The following CDH12 variants were observed in gnomAD, a reference collection of about 807,000 sequenced individuals.
The protein encoded by CDH12 is cadherin 12, also known as cadherin-12.
Under a neutral mutation model 74.1 loss-of-function variants are expected in CDH12, and 41 were observed. The ratio of observed to expected loss-of-function variants is 0.55; its 90% CI spans 0.43 to 0.72. CDH12 has a LOEUF of 0.72. Among genes scored for constraint, CDH12 ranks in the 30% least tolerant of loss-of-function variants. The pLI, the probability that CDH12 is intolerant of heterozygous loss-of-function variation, is 0.00. For missense variants in CDH12, 945 were observed against 977.2 expected, an observed-to-expected ratio of 0.97 and a Z score of 0.44; for synonymous variants, 399 against 355.0, an observed-to-expected ratio of 1.12 and a Z score of -1.39.
intron 3 of CDH12, among the ~76,000 whole-genome samples, chr5:22,296,077 C>T (rs550811202): frequency 6.6e-6 from 1 of 151,474 alleles, no homozygotes; most frequent in African/African-American, 2.4e-5. Context: ...CTTTATGATA[C>T]CTATAGGAGA....
chr5:22,316,793 A>C (rs1409220640), intron 3 of CDH12, among the ~76,000 whole-genome samples: 1 of 152,130 alleles, frequency 6.6e-6, no homozygotes, highest in African/African-American at 2.4e-5. Flanking sequence ...TAATACTATA[A>C]TGATATATAT....
At chr5:22,101,773 C>G (rs1479053469) in intron 4 of CDH12, among the ~76,000 whole-genome samples, 4 of 152,190 alleles carry the variant, frequency 2.6e-5, no homozygotes, top group African/African-American at 9.6e-5. Flanking sequence ...AATTTATAAA[C>G]TGCAGATGAG....
At chr5:22,149,554 C>T (rs1269943447) in intron 4 of CDH12, among the ~76,000 whole-genome samples, 2 of 152,198 alleles carry the variant, frequency 1.3e-5, no homozygotes, top group African/African-American at 4.8e-5. Context: ...CTGATTAGTT[C>T]TATTCTGTTT....
At chr5:22,138,603 T>A (rs1201431413) in intron 4 of CDH12, among the ~76,000 whole-genome samples, 8 of 150,544 alleles carry the variant, frequency 5.3e-5, no homozygotes, top group Admixed American at 4.7e-4. Flanking sequence ...AAGCATTTTT[T>A]AAATTATGTT....
intron 4 of CDH12, among the ~76,000 whole-genome samples, chr5:22,176,758 C>T (rs908340597): frequency 6.6e-5 from 10 of 152,230 alleles, no homozygotes; most frequent in African/African-American, 2.4e-4. Context: ...TTAATCAGAT[C>T]ATACCACTCT....
intron 3 of CDH12, among the ~76,000 whole-genome samples, chr5:22,360,301 A>G (rs963451111): frequency 6.6e-5 from 10 of 152,148 alleles, no homozygotes; most frequent in African/African-American, 2.4e-4. Context: ...TACTATAAAC[A>G]CCTCTACACA....
At chr5:21,960,734 C>T (rs1293663454) in intron 6 of CDH12, among the ~76,000 whole-genome samples, 9 of 151,432 alleles carry the variant, frequency 5.9e-5, no homozygotes, top group South Asian at 2.1e-4. Flanking sequence ...TACACACACA[C>T]GTGTGTGTGT....
chr5:22,396,052 C>CG (rs1742442303), intron 3 of CDH12, among the ~76,000 whole-genome samples: 1 of 139,386 alleles, frequency 7.2e-6, no homozygotes, highest in Non-Finnish European at 1.6e-5. Context: ...ATGATTGAAT[C>CG]CTTGATTTAT....
At chr5:22,601,516 C>T (rs1011139653) in intron 1 of CDH12, among the ~76,000 whole-genome samples, 10 of 152,116 alleles carry the variant, frequency 6.6e-5, no homozygotes, top group African/African-American at 2.2e-4. Flanking sequence ...AACAATCTCT[C>T]GTGGCATGCC....
chr5:22,544,221 A>G (rs1373139785), intron 1 of CDH12, among the ~76,000 whole-genome samples: 1 of 152,040 alleles, frequency 6.6e-6, no homozygotes, highest in African/African-American at 2.4e-5. Flanking sequence ...GATGCAGAGT[A>G]GTATGAAATT....
intron 1 of CDH12, among the ~76,000 whole-genome samples, chr5:22,519,656 C>T (rs1310943728): frequency 2.0e-5 from 3 of 151,984 alleles, no homozygotes; most frequent in African/African-American, 7.3e-5. Flanking sequence ...ATCTCCTGAC[C>T]TCGTGATCTG....
At chr5:21,753,784 T>C (rs1299596624) in intron 14 of CDH12, among the ~76,000 whole-genome samples, 1 of 152,194 alleles carries the variant, frequency 6.6e-6, no homozygotes, top group Admixed American at 6.5e-5. Context: ...GAGTGGCAGA[T>C]GGTAGTACAT....
Position 22,826,055 on chromosome 5 carries a change from G to A in CDH12, c.-523+27003C>T, listed in dbSNP as rs560446623. Reference sequence around the variant, plus strand: ...GTACTAGAGGACATAGTCAACTCAGGAAGTGATATGGTTTGGCTCTCTGAG... The same window carrying A: ...GTACTAGAGGACATAGTCAACTCAGAAAGTGATATGGTTTGGCTCTCTGAG... On this transcript the variant is annotated intron_variant, in intron 1 of 14. Transcript: ENST00000382254. Among the ~76,000 whole-genome samples, 72 of 152,260 alleles carry A rather than the reference G, an allele frequency of 4.7e-4. No individual in the cohort carries two copies. In the South Asian group the frequency reaches 0.012, roughly 25 times the overall value.
intron 3 of CDH12, among the ~76,000 whole-genome samples, chr5:22,360,918 A>C (rs759372816): frequency 9.2e-5 from 14 of 152,222 alleles, no homozygotes; most frequent in Non-Finnish European, 1.9e-4. Context: ...TTAGGCATTG[A>C]TGGGATGTAT....
At chr5:21,958,979 T>G (rs1487306983) in intron 6 of CDH12, among the ~76,000 whole-genome samples, 2 of 152,176 alleles carry the variant, frequency 1.3e-5, no homozygotes, top group African/African-American at 4.8e-5. Context: ...TGCAGTGTTT[T>G]GTAATTCTCA....
chr5:21,831,335 C>A lies in CDH12; in HGVS notation c.814+10826G>T, dbSNP rs541907249. ...AGTTTCTGGCCCCATCTCTCACTATCTCTTTTTCTTTCAGTTTCCTCTTCT... is the reference window on the plus strand; with the variant it reads ...AGTTTCTGGCCCCATCTCTCACTATATCTTTTTCTTTCAGTTTCCTCTTCT... On this transcript the variant is annotated intron_variant, in intron 8 of 14. Coordinates refer to ENST00000382254, the MANE Select transcript of CDH12 (RefSeq NM_004061.5). 1.5e-4 allele frequency among the ~76,000 whole-genome samples: 23 copies of A among 152,276 alleles called. 1 individual carries two copies. In the South Asian group the frequency reaches 4.8e-3, roughly 32 times the overall value.
intron 3 of CDH12, among the ~76,000 whole-genome samples, chr5:22,359,430 C>T (rs1215499960): frequency 2.0e-5 from 3 of 152,012 alleles, no homozygotes; most frequent in Non-Finnish European, 4.4e-5. Flanking sequence ...ATTCAAAAAG[C>T]AAGTCCTTAG....
rs200560166 is a variant in CDH12, at chr5:21,831,076, A to AG, written c.814+11084_814+11085insC. Among the ~76,000 whole-genome samples, 428 of 151,248 alleles carry AG rather than the reference A, an allele frequency of 2.8e-3. 3 individuals are homozygous for AG. Among genetic ancestry groups the AG allele is most frequent in the African/African-American group, 7.6e-3 (313 of 41,120 alleles). On this transcript the variant is annotated intron_variant, in intron 8 of 14. Transcript: ENST00000382254. ...CAAAAACAAAAACAAACAAAAAAAA[A>AG]CCAAGCAAACAAACAAAAAACAACA...
intron 1 of CDH12, among the ~76,000 whole-genome samples, chr5:22,832,846 A>G (rs1328694021): frequency 6.6e-6 from 1 of 152,182 alleles, no homozygotes; most frequent in Non-Finnish European, 1.5e-5. Flanking sequence ...TGCACTTCAG[A>G]GGCCCAATAA....
Sources: allele counts gnomAD v4.1 joint callset (sites outside exome capture counted in the v4.1 genomes callset), GRCh38; gene constraint gnomAD v4.1.1; transcripts MANE v1.5; gene names NCBI Gene and HGNC (gene_info 2026-07-23, HGNC 2026-07-21).